Variants in CDH11 observed in about 807,000 individuals in gnomAD.
The protein encoded by CDH11 is cadherin 11.
A neutral mutation model predicts 67.8 loss-of-function variants in CDH11; 11 were observed. The observed-to-expected ratio is 0.16, with a 90% CI of 0.10 to 0.27. The LOEUF (loss-of-function observed/expected upper bound fraction) is 0.27, where lower values mean the gene tolerates loss of function less well. CDH11 is among the 10% of genes least tolerant of loss of function. The probability of loss-of-function intolerance (pLI) is 1.00; values close to 1 mark genes in which losing one functional copy is unlikely to be tolerated. For synonymous variants in CDH11, 419 were observed against 400.0 expected (o/e 1.05, Z -0.57); for missense variants, 847 against 1,031.2 (o/e 0.82, Z 2.45).
chr16:64,990,694 G>A (rs2072607565), intron 6 of CDH11, among the ~76,000 whole-genome samples: 2 of 152,216 alleles, frequency 1.3e-5, no homozygotes, highest in Non-Finnish European at 1.5e-5. Flanking sequence ...TTCATTAAAT[G>A]ATGGTAGTTG....
chr16:65,100,237 G>T (rs540795414), intron 1 of CDH11, among the ~76,000 whole-genome samples: 1 of 152,140 alleles, frequency 6.6e-6, no homozygotes, highest in East Asian at 1.9e-4. Flanking sequence ...AGTGAAGTTT[G>T]GGATGCAGCT....
chr16:65,099,314 T>G (rs1394911621), intron 1 of CDH11, among the ~76,000 whole-genome samples: 1 of 152,230 alleles, frequency 6.6e-6, no homozygotes, highest in East Asian at 1.9e-4. Flanking sequence ...CATCTATTCA[T>G]GTCATCCAAC....
At chr16:64,977,397 A>G (rs562163905) in intron 8 of CDH11, among the ~76,000 whole-genome samples, 1 of 152,296 alleles carries the variant, frequency 6.6e-6, no homozygotes, top group African/African-American at 2.4e-5. Flanking sequence ...TCAATTGCAG[A>G]TGTGAATCCT....
intron 2 of CDH11, among the ~76,000 whole-genome samples, chr16:65,050,956 G>A (rs1011505538): frequency 6.6e-6 from 1 of 152,084 alleles, no homozygotes; most frequent in Admixed American, 6.5e-5. Flanking sequence ...AATTCAAAGG[G>A]CCGATGAAAT....
At chr16:64,955,062 C>T (rs1383060913) in intron 11 of CDH11, among the ~76,000 whole-genome samples, 3 of 151,282 alleles carry the variant, frequency 2.0e-5, no homozygotes, top group African/African-American at 4.9e-5. Context: ...CTGGCTAATG[C>T]GGTGAAACAC....
At chr16:64,985,336 A>G (rs1410789468) in intron 7 of CDH11, 1 of 151,632 alleles carries the variant, frequency 6.6e-6, no homozygotes, top group African/African-American at 2.4e-5. Flanking sequence ...CTATCTCACT[A>G]CCTCTTCTAC....
At chr16:64,954,949 A>T (rs1344160785) in intron 11 of CDH11, among the ~76,000 whole-genome samples, 2 of 28,522 alleles carry the variant, frequency 7.0e-5, no homozygotes, top group Admixed American at 4.8e-4. Context: ...ACTAAAAAAT[A>T]AAAAAAAAAA....
At chr16:65,080,291 A>G (rs1287651382) in intron 1 of CDH11, among the ~76,000 whole-genome samples, 2 of 152,120 alleles carry the variant, frequency 1.3e-5, no homozygotes. Flanking sequence ...TGCAAAAAAA[A>G]AAAAAACCTG....
chr16:65,041,657 T>G, intron 2 of CDH11, among the ~76,000 whole-genome samples: 1 of 152,240 alleles, frequency 6.6e-6, no homozygotes, highest in East Asian at 1.9e-4. Context: ...TATTGGAATG[T>G]TCTTCTGATT....
chr16:65,074,725 G>T (rs988507609), intron 1 of CDH11, among the ~76,000 whole-genome samples: 1 of 151,942 alleles, frequency 6.6e-6, no homozygotes, highest in South Asian at 2.1e-4. Context: ...GGAGAGAGAA[G>T]AATAATAAAT....
chr16:65,110,921 C>A (rs1452777280), intron 1 of CDH11, among the ~76,000 whole-genome samples: 8 of 152,118 alleles, frequency 5.3e-5, no homozygotes, highest in Admixed American at 4.6e-4. Context: ...GAATGAGTAA[C>A]ACATGGAATG....
chr16:64,993,849 G>A (rs1266808390), intron 4 of CDH11, among the ~76,000 whole-genome samples: 4 of 152,142 alleles, frequency 2.6e-5, no homozygotes, highest in African/African-American at 9.7e-5. Context: ...AGTAATTATC[G>A]AATTTCTCTG....
chr16:64,956,169 T>C (rs2142385293), intron 11 of CDH11, among the ~76,000 whole-genome samples: 1 of 152,342 alleles, frequency 6.6e-6, no homozygotes, highest in African/African-American at 2.4e-5. Flanking sequence ...GAATCTTGAA[T>C]CTTGTACATA....
At chr16:65,026,898 G>A (rs1047765102) in intron 2 of CDH11, among the ~76,000 whole-genome samples, 4 of 152,128 alleles carry the variant, frequency 2.6e-5, no homozygotes, top group African/African-American at 9.7e-5. Context: ...AGCCCTGCAG[G>A]GAACTGTAGG....
intron 2 of CDH11, among the ~76,000 whole-genome samples, chr16:65,021,105 T>C (rs2073413896): frequency 6.6e-6 from 1 of 152,138 alleles, no homozygotes; most frequent in African/African-American, 2.4e-5. Context: ...AGCATGCTTC[T>C]CTGATCCAAA....
At chr16:64,963,951 T>G (rs1049529150) in intron 11 of CDH11, among the ~76,000 whole-genome samples, 1 of 152,146 alleles carries the variant, frequency 6.6e-6, no homozygotes, top group African/African-American at 2.4e-5. Flanking sequence ...GTAAGAAATG[T>G]TAGAATAAGT....
chr16:64,948,932 G>A (rs1475315143), intron 12 of CDH11: 1 of 631,318 alleles, frequency 1.6e-6, no homozygotes, highest in Admixed American at 3.0e-5. Flanking sequence ...GAAAATGTTT[G>A]TGGCTGAATC....
chr16:65,078,868 T>G (rs1264595022), intron 1 of CDH11, among the ~76,000 whole-genome samples: 2 of 152,208 alleles, frequency 1.3e-5, no homozygotes, highest in African/African-American at 4.8e-5. Context: ...AACCTGGGGC[T>G]GCTGACTGCC....
At chr16:65,122,092 TGA>T (rs2075343620), upstream of CDH11, 1 of 396,442 alleles carries the variant, frequency 2.5e-6, no homozygotes, top group African/African-American at 2.6e-5. Context: ...GTGGCAGGAA[TGA>T]GAAACCGGGG....
Sources: gnomAD v4.1 joint callset for allele counts (sites outside exome capture counted in the v4.1 genomes callset) on GRCh38, gnomAD v4.1.1 for gene constraint, MANE v1.5 for transcripts, NCBI Gene and HGNC (gene_info 2026-07-23, HGNC 2026-07-21) for gene names.